INTS14: variants seen among roughly 807,000 people sequenced by gnomAD.
INTS14 encodes the protein integrator complex subunit 14, also known as UPF0464 protein C15orf44.
Under a neutral mutation model 56.9 loss-of-function variants are expected in INTS14, and 27 were observed. That is an observed-to-expected ratio of 0.47 (90% confidence interval 0.35 to 0.65). The LOEUF is 0.65. INTS14 is among the 30% of genes least tolerant of loss of function. The pLI is 0.00. For missense variants in INTS14, 517 were observed against 632.2 expected (o/e 0.82, Z 1.95); for synonymous variants, 207 against 236.2 (o/e 0.88, Z 1.13).
chr15:65,607,334 G>C lies in INTS14; in HGVS notation c.47C>G (p.Pro16Arg). The C allele has an allele frequency of 6.2e-7, 1 of 1,614,144 alleles. No homozygotes were observed. The change falls in exon 2 of 12, where the codon CCT (proline) becomes CGT (arginine). Residue 16 changes from proline to arginine, a missense_variant. Pro to Arg is a moderately radical substitution (Grantham distance 103). Transcript: ENST00000313182. ...VMDVSLSMTR[P>R]VSIEGSEEYQ... Reference sequence around the variant, plus strand: ...TTCCTCGGACCCCTCAATAGACACAGGTCGGGTCATGGAAAGGGATACATC... The same window carrying C: ...TTCCTCGGACCCCTCAATAGACACACGTCGGGTCATGGAAAGGGATACATC...
chr15:65,591,155 A>G (rs1314700866), intron 9 of INTS14, among the ~76,000 whole-genome samples: 1 of 152,190 alleles, frequency 6.6e-6, no homozygotes, highest in African/African-American at 2.4e-5. Flanking sequence ...CCATGAGGCA[A>G]GGAGAAGAAA....
chr15:65,596,770 A>G (rs998663016), intron 6 of INTS14, among the ~76,000 whole-genome samples: 2 of 152,046 alleles, frequency 1.3e-5, no homozygotes, highest in African/African-American at 4.8e-5. Context: ...GGGTTTCTCC[A>G]TGTTGGTCAG....
Position 65,598,364 on chromosome 15 carries a change from A to C in INTS14, c.705T>G (p.Val235=). 6.2e-7 allele frequency: 1 copy of C among 1,614,100 alleles called. No homozygotes were observed. Among genetic ancestry groups the C allele is most frequent in the Non-Finnish European group, 8.5e-7 (1 of 1,179,978 alleles). ...GGATAGGATCAATTTCTTCATCTAC[A>C]ACAAAAGGTTCTGGCCTGGGGAAGA... ...VQVFPRPEPF[V]VDEEIDPIPK... is the part of the protein sequence containing the mutation. The change falls in exon 6 of 12, where the codon GTT becomes GTG. Residue 235 remains valine, a synonymous_variant. Coordinates refer to ENST00000313182, the MANE Select transcript of INTS14 (RefSeq NM_001394796.1).
intron 1 of INTS14, among the ~76,000 whole-genome samples, chr15:65,610,401 T>G (rs1278339119): frequency 6.6e-6 from 1 of 152,184 alleles, no homozygotes; most frequent in Non-Finnish European, 1.5e-5. Flanking sequence ...ACCAATTTTG[T>G]GAGCACAACA....
At chr15:65,610,924 G>A in intron 1 of INTS14, 174 bp downstream of exon 1, 8 of 1,464,480 alleles carry the variant, frequency 5.5e-6, no homozygotes, top group Non-Finnish European at 7.2e-6. Flanking sequence ...TCAGAGCGAG[G>A]GGAGGCCGGG....
chr15:65,589,204 T>C lies in INTS14; in HGVS notation c.1120+2394A>G, dbSNP rs181896717. On this transcript the variant is annotated intron_variant, in intron 9 of 11. Coordinates refer to ENST00000313182, the MANE Select transcript of INTS14 (RefSeq NM_001394796.1). ...ACTTTTTCTGTGAGGGCCAGACAGG[T>C]TGGAGTGCAGCGATGCAATCAGGGC... Among the ~76,000 whole-genome samples the C allele has an allele frequency of 1.5e-3, 230 of 152,290 alleles. 2 individuals carry two copies. The highest frequency in any genetic ancestry group is 1.6e-3 in the Non-Finnish European group (108 of 68,004).
At chr15:65,596,971 G>C (rs1279886077) in intron 6 of INTS14, among the ~76,000 whole-genome samples, 1 of 152,128 alleles carries the variant, frequency 6.6e-6, no homozygotes. Flanking sequence ...TTTTTCATTT[G>C]AGTAGAAAAA....
intron 4 of INTS14, 64 bp downstream of exon 4, chr15:65,599,710 C>T: frequency 6.4e-7 from 1 of 1,566,236 alleles, no homozygotes; most frequent in Non-Finnish European, 8.7e-7. Flanking sequence ...GTGGTATATA[C>T]TGAAAAATAA....
intron 11 of INTS14, 81 bp from the exon 12 acceptor site, chr15:65,579,740 T>C (rs2141237808): frequency 6.6e-7 from 1 of 1,515,140 alleles, no homozygotes; most frequent in Non-Finnish European, 8.9e-7. Flanking sequence ...TTAGCATAAG[T>C]TCTCCTTGAC....
intron 1 of INTS14, among the ~76,000 whole-genome samples, chr15:65,609,743 C>G (rs1252183104): frequency 6.6e-6 from 1 of 152,164 alleles, no homozygotes; most frequent in Non-Finnish European, 1.5e-5. Context: ...TGCAGGGAGG[C>G]CTTTTTACAA....
intron 3 of INTS14, 73 bp downstream of exon 3, chr15:65,605,056 G>C: frequency 9.2e-7 from 1 of 1,085,514 alleles, no homozygotes; most frequent in Admixed American, 1.7e-5. Flanking sequence ...CTGTGTCAGA[G>C]CCTGAAGAAA....
intron 1 of INTS14, among the ~76,000 whole-genome samples, chr15:65,608,414 GA>G (rs2141335860): frequency 6.8e-6 from 1 of 147,666 alleles, no homozygotes; most frequent in African/African-American, 2.5e-5. Flanking sequence ...ATTATCTCAT[GA>G]AATTGGGTAG....
intron 10 of INTS14, 142 bp from the exon 11 acceptor site, chr15:65,582,161 A>G (rs530178236): frequency 3.6e-5 from 26 of 717,186 alleles, no homozygotes; most frequent in Non-Finnish European, 5.3e-5. Context: ...CTTCTGAGTT[A>G]ATGTCAGTTC....
chr15:65,582,656 T>C (rs1038287470), intron 10 of INTS14, among the ~76,000 whole-genome samples: 1 of 152,170 alleles, frequency 6.6e-6, no homozygotes, highest in African/African-American at 2.4e-5. Flanking sequence ...AATGATCTCT[T>C]AGTTAAGACA....
At chr15:65,595,039 G>A (rs1209319521) in intron 7 of INTS14, among the ~76,000 whole-genome samples, 1 of 152,108 alleles carries the variant, frequency 6.6e-6, no homozygotes, top group Non-Finnish European at 1.5e-5. Context: ...AATATAAAGT[G>A]GATGGTCAGC....
chr15:65,597,318 T>C (rs1459744615), intron 6 of INTS14, among the ~76,000 whole-genome samples: 1 of 152,204 alleles, frequency 6.6e-6, no homozygotes, highest in Non-Finnish European at 1.5e-5. Flanking sequence ...GACTGAACAA[T>C]TACCTATTGG....
intron 6 of INTS14, 106 bp downstream of exon 6, chr15:65,598,215 A>AT: frequency 8.6e-7 from 1 of 1,164,160 alleles, no homozygotes; most frequent in Non-Finnish European, 1.2e-6. Context: ...ACCACAATAT[A>AT]TATTTCTTTT....
chr15:65,591,613 A>G lies in INTS14; in HGVS notation c.1105T>C (p.Leu369=). 1 of 1,614,016 alleles carries G rather than the reference A, an allele frequency of 6.2e-7. No homozygotes were observed. Among genetic ancestry groups the G allele is most frequent in the South Asian group, 1.1e-5 (1 of 91,054 alleles). Residue 369 remains leucine (L), a synonymous_variant, in exon 9 of 12, where the codon TTG becomes CTG. Transcript: ENST00000313182. Reference sequence around the variant, plus strand: ...TGGATTATACCTGAAATAGGACCCAACTGTGCCATTTTCCCTAGCCATGGG... The same window carrying G: ...TGGATTATACCTGAAATAGGACCCAGCTGTGCCATTTTCCCTAGCCATGGG... ...PLPWLGKMAQ[L]GPISDAKENP...
intron 6 of INTS14, among the ~76,000 whole-genome samples, chr15:65,596,745 T>C (rs141309785): frequency 1.3e-5 from 2 of 152,234 alleles, no homozygotes; most frequent in East Asian, 3.9e-4. Flanking sequence ...TAATTTTGTA[T>C]TTTTAGTAGA....
Sources: gnomAD v4.1 joint callset for allele counts (sites outside exome capture counted in the v4.1 genomes callset) on GRCh38, gnomAD v4.1.1 for gene constraint, MANE v1.5 for transcripts, NCBI Gene and HGNC (gene_info 2026-07-23, HGNC 2026-07-21) for gene names.